Variants in TBC1D22A observed in about 807,000 individuals in gnomAD.
The protein encoded by TBC1D22A is putative GTPase activator.
TBC1D22A carries 38 observed loss-of-function variants against 60.2 expected under a neutral mutation model. The observed-to-expected ratio is 0.63, with a 90% CI of 0.49 to 0.83. The LOEUF is 0.83. TBC1D22A is among the 40% of genes least tolerant of loss of function. The pLI is 0.00. For missense variants in TBC1D22A, 628 were observed against 701.0 expected, an observed-to-expected ratio of 0.90 and a Z score of 1.18; for synonymous variants, 302 against 281.7, an observed-to-expected ratio of 1.07 and a Z score of -0.72.
chr22:46,821,706 A>G (rs912204719), intron 4 of TBC1D22A, among the ~76,000 whole-genome samples: 3 of 151,964 alleles, frequency 2.0e-5, no homozygotes, highest in East Asian at 1.9e-4. Flanking sequence ...TTTGATGATT[A>G]TGTGTCTTGC....
chr22:46,952,967 C>T (rs2072996682), intron 8 of TBC1D22A, among the ~76,000 whole-genome samples: 1 of 152,174 alleles, frequency 6.6e-6, no homozygotes, highest in African/African-American at 2.4e-5. Flanking sequence ...AGGTCTGTGA[C>T]CTTGACCACC....
In TBC1D22A at chr22:47,133,904, C is replaced by T. The variant is rs145877126; in HGVS notation, c.1425+22301C>T. Reference sequence around the variant, plus strand: ...GTGGGCTGTCTCTCTCTCTCTCTCTCCATTCCTTCCAGAGTAGAAATTCTC... The same window carrying T: ...GTGGGCTGTCTCTCTCTCTCTCTCTTCATTCCTTCCAGAGTAGAAATTCTC... On this transcript the variant is annotated intron_variant, in intron 12 of 12. Transcript: ENST00000337137. Among the ~76,000 whole-genome samples the T allele has an allele frequency of 3.1e-3, 466 of 152,320 alleles. 4 individuals carry two copies. Among genetic ancestry groups the T allele is most frequent in the Non-Finnish European group, 5.1e-3 (348 of 68,030 alleles).
At chr22:47,037,248 C>T (rs756503960) in intron 11 of TBC1D22A, 50 bp downstream of exon 11, 56 of 1,603,550 alleles carry the variant, frequency 3.5e-5, no homozygotes, top group Middle Eastern at 1.8e-4. Flanking sequence ...GAGCCCGGGC[C>T]GTTTCCTGTC....
intron 12 of TBC1D22A, among the ~76,000 whole-genome samples, chr22:47,125,109 C>T (rs930257049): frequency 6.6e-6 from 1 of 152,096 alleles, no homozygotes; most frequent in African/African-American, 2.4e-5. Context: ...CATGGGGCAG[C>T]GCCCTCCAGA....
chr22:46,997,466 G>A (rs569833141), intron 9 of TBC1D22A, among the ~76,000 whole-genome samples, 168 bp from the exon 10 acceptor site: 2 of 152,358 alleles, frequency 1.3e-5, no homozygotes, highest in South Asian at 2.1e-4. Context: ...AGTCAGCGGC[G>A]CTGTGCTGTG....
chr22:46,889,484 A>G (rs2068282174), intron 5 of TBC1D22A, among the ~76,000 whole-genome samples: 2 of 152,208 alleles, frequency 1.3e-5, no homozygotes, highest in African/African-American at 4.8e-5. Flanking sequence ...GCATATCCCA[A>G]TGTTATGGCC....
chr22:46,917,139 C>T (rs987780962), intron 8 of TBC1D22A, among the ~76,000 whole-genome samples: 2 of 152,124 alleles, frequency 1.3e-5, no homozygotes, highest in South Asian at 2.1e-4. Context: ...TAGGAACAGG[C>T]GGAAGACACA....
At chr22:46,763,212 G>T (rs916859613) in intron 1 of TBC1D22A, 1 of 250,780 alleles carries the variant, frequency 4.0e-6, no homozygotes, top group Non-Finnish European at 7.7e-6. Flanking sequence ...GAGGCCCCCC[G>T]TCTGCTGGGT....
At chr22:46,976,325 C>T (rs1374084236) in intron 9 of TBC1D22A, among the ~76,000 whole-genome samples, 1 of 152,170 alleles carries the variant, frequency 6.6e-6, no homozygotes, top group Non-Finnish European at 1.5e-5. Context: ...ATCACCGTCC[C>T]GTGGCAGCCG....
intron 11 of TBC1D22A, among the ~76,000 whole-genome samples, chr22:47,102,870 G>A (rs1462221213): frequency 1.3e-5 from 2 of 152,136 alleles, no homozygotes; most frequent in South Asian, 2.1e-4. Flanking sequence ...CATCATTCTG[G>A]AACTTCCCAG....
chr22:47,126,267 C>T (rs1010671401), intron 12 of TBC1D22A, among the ~76,000 whole-genome samples: 6 of 152,370 alleles, frequency 3.9e-5, no homozygotes, highest in Admixed American at 2.6e-4. Flanking sequence ...CAGGCATGAG[C>T]CACCGTGCCC....
intron 1 of TBC1D22A, among the ~76,000 whole-genome samples, chr22:46,771,282 TGAG>T (rs2083470043): frequency 6.6e-6 from 1 of 152,152 alleles, no homozygotes; most frequent in African/African-American, 2.4e-5. Context: ...CTCATGGAAT[TGAG>T]GAGAACAAGT....
chr22:47,139,900 C>G (rs1024803676), intron 12 of TBC1D22A, among the ~76,000 whole-genome samples: 1 of 152,266 alleles, frequency 6.6e-6, no homozygotes, highest in Non-Finnish European at 1.5e-5. Flanking sequence ...GCGAAGTCCA[C>G]ATCATGTGAC....
chr22:46,949,230 C>A (rs553315057), intron 8 of TBC1D22A, among the ~76,000 whole-genome samples: 3 of 152,248 alleles, frequency 2.0e-5, no homozygotes, highest in African/African-American at 7.2e-5. Flanking sequence ...CACCCGAATA[C>A]CTGGAACCAC....
chr22:46,928,158 C>T lies in TBC1D22A; in HGVS notation c.1015+15970C>T, dbSNP rs6009060. Among the ~76,000 whole-genome samples the T allele has an allele frequency of 8.0e-3, 1,211 of 151,454 alleles. 8 individuals carry two copies. Among genetic ancestry groups the T allele is most frequent in the African/African-American group, 0.028 (1,154 of 41,324 alleles). ...AAAAAAAAACAAAGATTAGGACTCACGCATTCTGGTATCAGAATTTATTAC... is the reference window on the plus strand; with the variant it reads ...AAAAAAAAACAAAGATTAGGACTCATGCATTCTGGTATCAGAATTTATTAC... On this transcript the variant is annotated intron_variant, in intron 8 of 12. Transcript: ENST00000337137.
chr22:47,053,286 C>G (rs1209503064), intron 11 of TBC1D22A, among the ~76,000 whole-genome samples: 1 of 152,216 alleles, frequency 6.6e-6, no homozygotes, highest in Non-Finnish European at 1.5e-5. Flanking sequence ...GTGGACGTGT[C>G]TTTGTTTCTC....
intron 11 of TBC1D22A, among the ~76,000 whole-genome samples, chr22:47,095,950 G>A (rs1161099111): frequency 6.6e-6 from 1 of 152,252 alleles, no homozygotes; most frequent in Non-Finnish European, 1.5e-5. Context: ...GAGTCATATG[G>A]ATGAGAGGTG....
intron 7 of TBC1D22A, among the ~76,000 whole-genome samples, chr22:46,911,334 C>A (rs16995962): frequency 0.097 from 14,707 of 152,070 alleles, 1,445 homozygotes; most frequent in African/African-American, 0.25. Context: ...AATGGTGATA[C>A]CTTTTCAGAG....
chr22:47,071,024 C>T (rs945850350), intron 11 of TBC1D22A, among the ~76,000 whole-genome samples: 1 of 152,230 alleles, frequency 6.6e-6, no homozygotes, highest in Non-Finnish European at 1.5e-5. Context: ...TTCTGTGAAC[C>T]TAAGAGTATA....
Sources: gnomAD v4.1 joint callset for allele counts (sites outside exome capture counted in the v4.1 genomes callset) on GRCh38, gnomAD v4.1.1 for gene constraint, MANE v1.5 for transcripts, NCBI Gene and HGNC (gene_info 2026-07-23, HGNC 2026-07-21) for gene names.